The following SCHIP1 variants were observed in gnomAD, a reference collection of about 807,000 sequenced individuals.
SCHIP1 encodes schwannomin-interacting protein 1.
A neutral mutation model predicts 29.7 loss-of-function variants in SCHIP1; 8 were observed. The observed-to-expected ratio is 0.27, with a 90% CI of 0.16 to 0.49. The LOEUF (loss-of-function observed/expected upper bound fraction) is 0.49, where lower values mean the gene tolerates loss of function less well. Among genes scored for constraint, SCHIP1 ranks in the 20% least tolerant of loss-of-function variants. SCHIP1 has a pLI of 0.99. For synonymous variants in SCHIP1, 76 were observed against 94.9 expected (o/e 0.80, Z 1.16); for missense variants, 193 against 294.6 (o/e 0.66, Z 2.52).
the SCHIP1 span, among the ~76,000 whole-genome samples, chr3:159,493,262 A>T: frequency 6.6e-6 from 1 of 152,234 alleles, no homozygotes; most frequent in Non-Finnish European, 1.5e-5. Flanking sequence ...TACTAACCTT[A>T]AATTCAAATG....
the SCHIP1 span, among the ~76,000 whole-genome samples, chr3:159,372,218 A>G: frequency 1.3e-5 from 2 of 152,152 alleles, no homozygotes; most frequent in East Asian, 3.8e-4. Context: ...CACTGAAAAA[A>G]ATTAGTCTTA....
chr3:159,490,873 G>C, the SCHIP1 span, among the ~76,000 whole-genome samples: 1 of 152,010 alleles, frequency 6.6e-6, no homozygotes, highest in African/African-American at 2.4e-5. Flanking sequence ...GATTCAGTGA[G>C]TATGGCTCTA....
chr3:159,402,419 TCC>T, the SCHIP1 span, among the ~76,000 whole-genome samples: 1 of 152,188 alleles, frequency 6.6e-6, no homozygotes, highest in East Asian at 1.9e-4. Context: ...GACCCAGCCA[TCC>T]CATTACTGGG....
chr3:159,298,876 A>G, the SCHIP1 span, among the ~76,000 whole-genome samples: 4 of 152,250 alleles, frequency 2.6e-5, no homozygotes, highest in African/African-American at 9.6e-5. Flanking sequence ...AGCTAGATGG[A>G]CATTTTGTGA....
At chr3:159,386,175 T>C in the SCHIP1 span, among the ~76,000 whole-genome samples, 3 of 152,206 alleles carry the variant, frequency 2.0e-5, no homozygotes, top group Non-Finnish European at 2.9e-5. Flanking sequence ...TGTGTCTTTA[T>C]AGTAGCATGA....
At chr3:159,628,521 T>C in the SCHIP1 span, among the ~76,000 whole-genome samples, 1 of 152,122 alleles carries the variant, frequency 6.6e-6, no homozygotes, top group Admixed American at 6.6e-5. Context: ...ATTATTAGGT[T>C]CAAGAAAATG....
chr3:159,791,682 G>A, the SCHIP1 span, among the ~76,000 whole-genome samples: 2 of 152,200 alleles, frequency 1.3e-5, no homozygotes, highest in Non-Finnish European at 1.5e-5. Flanking sequence ...CACAGTCTTA[G>A]CATCAGAGCA....
chr3:159,492,243 T>G, the SCHIP1 span, among the ~76,000 whole-genome samples: 2 of 152,262 alleles, frequency 1.3e-5, no homozygotes, highest in South Asian at 4.1e-4. Flanking sequence ...GGAACAAAGC[T>G]GGACAGAGAA....
chr3:159,764,463 G>T, the SCHIP1 span: 1 of 1,594,598 alleles, frequency 6.3e-7, no homozygotes, highest in South Asian at 1.1e-5. This position sits in a 1 kb window ranked among gnomAD's most constrained non-coding sequence, Gnocchi z 6.1. Flanking sequence ...AGGATGGGAT[G>T]GATCTAGGCA....
chr3:159,675,215 T>C, the SCHIP1 span, among the ~76,000 whole-genome samples: 1 of 152,232 alleles, frequency 6.6e-6, no homozygotes, highest in African/African-American at 2.4e-5. Context: ...AAAGGCCTTT[T>C]AGTTTATAGG....
chr3:159,418,804 G>A, the SCHIP1 span, among the ~76,000 whole-genome samples: 3 of 12,774 alleles, frequency 2.3e-4, no homozygotes, highest in Admixed American at 1.2e-3. Context: ...AGGGGGAACA[G>A]ATGGCAGAAT....
At chr3:159,369,445 T>C in the SCHIP1 span, among the ~76,000 whole-genome samples, 1 of 152,114 alleles carries the variant, frequency 6.6e-6, no homozygotes, top group Non-Finnish European at 1.5e-5. Context: ...AGAATAGAGA[T>C]AGTTTTTCAG....
the SCHIP1 span, among the ~76,000 whole-genome samples, chr3:159,522,898 A>G: frequency 1.3e-5 from 2 of 151,920 alleles, no homozygotes; most frequent in African/African-American, 4.8e-5. Context: ...AACAAAAACC[A>G]CTGTGTCTGC....
the SCHIP1 span, among the ~76,000 whole-genome samples, chr3:159,501,211 C>A: frequency 6.5e-4 from 99 of 152,252 alleles, no homozygotes; most frequent in African/African-American, 2.3e-3. Flanking sequence ...TGGCTGTGTT[C>A]TTATCTATTG....
chr3:159,651,055 A>T, the SCHIP1 span, among the ~76,000 whole-genome samples: 1 of 152,198 alleles, frequency 6.6e-6, no homozygotes. Flanking sequence ...ATAGGATCAT[A>T]TGAATAGTAT....
the SCHIP1 span, among the ~76,000 whole-genome samples, chr3:159,596,194 A>T: frequency 1.3e-5 from 2 of 152,252 alleles, no homozygotes; most frequent in Non-Finnish European, 2.9e-5. Flanking sequence ...AGACACATGG[A>T]AAAATGCTCA....
chr3:159,808,985 CTT>C, the SCHIP1 span, among the ~76,000 whole-genome samples: 2 of 138,182 alleles, frequency 1.4e-5, no homozygotes, highest in African/African-American at 2.6e-5. Context: ...TTTTTTCTTT[CTT>C]TTTTTTTTTT....
chr3:159,518,632 G>A, the SCHIP1 span, among the ~76,000 whole-genome samples: 1 of 152,156 alleles, frequency 6.6e-6, no homozygotes, highest in South Asian at 2.1e-4. Flanking sequence ...CTTTCTCAGA[G>A]TGTTAAACAT....
the SCHIP1 span, among the ~76,000 whole-genome samples, chr3:159,814,399 G>T: frequency 6.6e-6 from 1 of 152,228 alleles, no homozygotes; most frequent in African/African-American, 2.4e-5. Flanking sequence ...ATCTCTACCA[G>T]AGAGTCAGCT....
Sources: gnomAD v4.1 joint callset for allele counts (sites outside exome capture counted in the v4.1 genomes callset) on GRCh38, gnomAD v4.1.1 for gene constraint, Gnocchi (gnomAD v3.1) non-coding constraint, MANE v1.5 for transcripts, NCBI Gene and HGNC (gene_info 2026-07-23, HGNC 2026-07-21) for gene names.